The following S100A13 variants were observed in gnomAD, a reference collection of about 807,000 sequenced individuals.
S100A13 encodes the protein S100 calcium binding protein A13, also known as protein S100-A13.
A neutral mutation model predicts 8.2 loss-of-function variants in S100A13; 6 were observed. That is an observed-to-expected ratio of 0.73 (90% CI 0.40 to 1.44). S100A13 has a LOEUF of 1.44. S100A13 is among the 40% of genes most tolerant of loss of function. The pLI, the probability that S100A13 is intolerant of heterozygous loss-of-function variation, is 0.02. For synonymous variants in S100A13, 39 were observed against 45.9 expected, an observed-to-expected ratio of 0.85 and a Z score of 0.61; for missense variants, 114 against 113.6, an observed-to-expected ratio of 1.00 and a Z score of -0.02.
At chr1:153,632,708 TACACACAGAC>T (rs1288605596), upstream of S100A13, among the ~76,000 whole-genome samples, 9 of 151,970 alleles carry the variant, frequency 5.9e-5, no homozygotes, top group African/African-American at 2.2e-4. Context: ...GGCCATTACT[TACACACAGAC>T]ACACACAAAC....
chr1:153,628,365 G>A (rs1316312073), upstream of S100A13: 4 of 1,543,752 alleles, frequency 2.6e-6, no homozygotes, highest in East Asian at 4.9e-5. Context: ...GTCTGTGAAG[G>A]GGTGGAGTCG....
chr1:153,631,148 G>A (rs1435270909), upstream of S100A13: 2 of 331,162 alleles, frequency 6.0e-6, no homozygotes, highest in East Asian at 1.2e-4. Flanking sequence ...GAAGAATGTG[G>A]AGCATGTCAG....
At chr1:153,623,208 C>T (rs975025409) in intron 2 of S100A13, among the ~76,000 whole-genome samples, 6 of 151,750 alleles carry the variant, frequency 4.0e-5, no homozygotes, top group Non-Finnish European at 7.4e-5. Context: ...TTTTTTGAGA[C>T]GGAGTCTCGC....
At chr1:153,626,927 C>T (rs1238564282) in intron 1 of S100A13, 1 of 156,330 alleles carries the variant, frequency 6.4e-6, no homozygotes. Flanking sequence ...CTCAAGAATC[C>T]CTTCTTGTCT....
intron 2 of S100A13, among the ~76,000 whole-genome samples, chr1:153,624,900 C>A (rs889211017): frequency 6.6e-6 from 1 of 152,152 alleles, no homozygotes; most frequent in Admixed American, 6.5e-5. Context: ...CATAGTGAAA[C>A]CCCGTCTCTA....
In S100A13 at chr1:153,626,524, C is replaced by T. The variant is rs766197788; in HGVS notation, c.-52G>A. ...CCTCAAGGGGCTAGCTGACCTTTGT[C>T]AGGGCTGACCTGTGGAAGAGAGAAG... is the stretch of plus-strand genomic sequence containing the variant. On this transcript the variant is annotated 5_prime_UTR_variant, in exon 2 of 3. Coordinates refer to ENST00000476133, the MANE Select transcript of S100A13 (RefSeq NM_001024211.2). 1.9e-6 allele frequency: 3 copies of T among 1,582,170 alleles called. No individual in the cohort carries two copies. The highest frequency in any genetic ancestry group is 2.6e-6 in the Non-Finnish European group (3 of 1,155,094).
upstream of S100A13, chr1:153,631,305 C>CT (rs1667997256): frequency 1.4e-6 from 1 of 721,656 alleles, no homozygotes; most frequent in Admixed American, 2.9e-5. Flanking sequence ...AGCCCTGCTA[C>CT]TTTCTAGCTG....
intron 2 of S100A13, among the ~76,000 whole-genome samples, chr1:153,624,891 A>G (rs2101589279): frequency 6.6e-6 from 1 of 152,286 alleles, no homozygotes; most frequent in East Asian, 1.9e-4. Context: ...CCTGGCCAAC[A>G]TAGTGAAACC....
upstream of S100A13, chr1:153,631,337 T>A (rs1667998790): frequency 3.2e-6 from 3 of 948,984 alleles, no homozygotes; most frequent in Non-Finnish European, 4.6e-6. Flanking sequence ...GCATATTTAT[T>A]TAACCACCGA....
chr1:153,628,169 G>T (rs1038389614), upstream of S100A13: 3 of 1,550,356 alleles, frequency 1.9e-6, no homozygotes, highest in African/African-American at 1.4e-5. Context: ...GCCCAGCTTG[G>T]GGTAAGACAT....
Position 153,626,535 on chromosome 1 carries a change from T to G in S100A13, c.-61-2A>C. The G allele has an allele frequency of 6.4e-7, 1 of 1,552,808 alleles. No individual in the cohort carries two copies. On this transcript the variant is annotated splice_acceptor_variant, in intron 1 of 2. Coordinates refer to ENST00000476133, the MANE Select transcript of S100A13 (RefSeq NM_001024211.2). LOFTEE classifies it low-confidence loss of function (5UTR_SPLICE). ...TAGCTGACCTTTGTCAGGGCTGACC[T>G]GTGGAAGAGAGAAGGAGCAGAGAGG... is the stretch of plus-strand genomic sequence containing the variant.
upstream of S100A13, chr1:153,630,499 G>C (rs778284998): frequency 6.2e-7 from 1 of 1,613,286 alleles, no homozygotes; most frequent in Admixed American, 1.7e-5. Context: ...TCCATGATGG[G>C]GGTGGGTAGG....
upstream of S100A13, chr1:153,628,639 T>C: frequency 3.7e-6 from 5 of 1,359,402 alleles, no homozygotes; most frequent in Middle Eastern, 2.6e-4. Context: ...GAGGGCAGTT[T>C]GGGATTTGGG....
upstream of S100A13, chr1:153,630,589 A>C (rs756204335): frequency 1.7e-5 from 28 of 1,614,124 alleles, no homozygotes; most frequent in Non-Finnish European, 2.3e-5. Context: ...TCGGGCAAAG[A>C]GGGGGACAAG....
upstream of S100A13, chr1:153,628,636 GT>G: frequency 1.4e-6 from 2 of 1,383,436 alleles, no homozygotes; most frequent in Admixed American, 2.8e-5. Flanking sequence ...GGTGAGGGCA[GT>G]TTGGGATTTG....
intron 2 of S100A13, among the ~76,000 whole-genome samples, chr1:153,624,795 C>T (rs1445248919): frequency 6.6e-6 from 1 of 152,100 alleles, no homozygotes; most frequent in East Asian, 1.9e-4. Context: ...AAAAATTAGG[C>T]CAGGCGCGGT....
chr1:153,630,724 C>G, upstream of S100A13: 1 of 1,581,410 alleles, frequency 6.3e-7, no homozygotes, highest in Non-Finnish European at 8.6e-7. Context: ...GGGGTGGACA[C>G]CCCCTTGCTA....
chr1:153,628,878 A>G, upstream of S100A13: 2 of 221,116 alleles, frequency 9.0e-6, no homozygotes, highest in Non-Finnish European at 1.8e-5. Context: ...GTAAGAAGAG[A>G]GCAGATACAA....
intron 2 of S100A13, among the ~76,000 whole-genome samples, chr1:153,620,396 G>C (rs1197776256): frequency 6.6e-6 from 1 of 151,578 alleles, no homozygotes; most frequent in Non-Finnish European, 1.5e-5. Flanking sequence ...GGGAGGCAGA[G>C]GCTGTAGTGA....
Sources: gnomAD v4.1 joint callset for allele counts (sites outside exome capture counted in the v4.1 genomes callset) on GRCh38, gnomAD v4.1.1 for gene constraint, MANE v1.5 for transcripts, NCBI Gene and HGNC (gene_info 2026-07-23, HGNC 2026-07-21) for gene names.